KCNIP4: variants seen among roughly 807,000 people sequenced by gnomAD.
The protein encoded by KCNIP4 is Kv channel-interacting protein 4.
Under a neutral mutation model 34.0 loss-of-function variants are expected in KCNIP4, and 12 were observed. The observed-to-expected ratio is 0.35, with a 90% CI of 0.23 to 0.57. The LOEUF is 0.57. Among genes scored for constraint, KCNIP4 ranks in the 20% least tolerant of loss-of-function variants. KCNIP4 has a pLI of 0.83. For missense variants in KCNIP4, 238 were observed against 311.7 expected, an observed-to-expected ratio of 0.76 and a Z score of 1.78; for synonymous variants, 124 against 102.2, an observed-to-expected ratio of 1.21 and a Z score of -1.29.
chr4:21,208,490 T>C (rs534764298), intron 1 of KCNIP4, among the ~76,000 whole-genome samples: 1 of 152,292 alleles, frequency 6.6e-6, no homozygotes, highest in Middle Eastern at 3.4e-3. Flanking sequence ...TCACATTTCC[T>C]TGATCTTCTA....
Position 21,266,833 on chromosome 4 carries a change from T to C in KCNIP4, c.62-384124A>G, listed in dbSNP as rs563836785. Reference sequence around the variant, plus strand: ...CTGCCCATGGTTTTATAGGGGAGAGTGATGCAATCATAATTTGGCTATAGT... The same window carrying C: ...CTGCCCATGGTTTTATAGGGGAGAGCGATGCAATCATAATTTGGCTATAGT... On this transcript the variant is annotated intron_variant, in intron 1 of 8. Coordinates refer to ENST00000382152, the MANE Select transcript of KCNIP4 (RefSeq NM_025221.6). Among the ~76,000 whole-genome samples, 3 of 151,766 alleles carry C rather than the reference T, an allele frequency of 2.0e-5. No homozygotes were observed. The East Asian group carries it at 5.8e-4, about 30-fold the overall frequency.
At chr4:21,783,704 C>T (rs56193022) in intron 1 of KCNIP4, among the ~76,000 whole-genome samples, 17,268 of 152,128 alleles carry the variant, frequency 0.11, 3,352 homozygotes, top group African/African-American at 0.39. Flanking sequence ...ACATTAAAGA[C>T]TTATTTACCT....
At chr4:20,877,792 TATCTGTA>T (rs985169208) in intron 2 of KCNIP4, among the ~76,000 whole-genome samples, 1 of 152,166 alleles carries the variant, frequency 6.6e-6, no homozygotes, top group Non-Finnish European at 1.5e-5. Flanking sequence ...ACAGTAAGCG[TATCTGTA>T]TCACTGGAGT....
intron 1 of KCNIP4, among the ~76,000 whole-genome samples, chr4:21,540,830 C>T (rs868554520): frequency 6.6e-6 from 1 of 152,054 alleles, no homozygotes; most frequent in African/African-American, 2.4e-5. Flanking sequence ...TTTGAGGCCA[C>T]ATGATCTATT....
chr4:21,051,988 C>T (rs770315226), intron 1 of KCNIP4, among the ~76,000 whole-genome samples: 3 of 152,114 alleles, frequency 2.0e-5, no homozygotes, highest in Non-Finnish European at 4.4e-5. Context: ...GAGTTCAGGT[C>T]TTAGATATTT....
chr4:21,230,156 A>T lies in KCNIP4; in HGVS notation c.62-347447T>A, dbSNP rs146477720. 3.5e-3 allele frequency among the ~76,000 whole-genome samples: 528 copies of T among 152,170 alleles called. 4 individuals carry two copies. The highest frequency in any genetic ancestry group is 0.021 in the South Asian group (100 of 4,820). ...AATAGGAATACAGCCTTTGGAAGAC[A>T]GAGGCGGAAACTGGAGGGATGCAGC... is the stretch of plus-strand genomic sequence containing the variant. On this transcript the variant is annotated intron_variant, in intron 1 of 8. Coordinates refer to ENST00000382152, the MANE Select transcript of KCNIP4 (RefSeq NM_025221.6).
At chr4:20,731,302 G>T in intron 8 of KCNIP4, 1 of 737,300 alleles carries the variant, frequency 1.4e-6, no homozygotes, top group Non-Finnish European at 1.7e-6. Context: ...TCAAAATCCT[G>T]GCCTTAAGTT....
At chr4:20,758,481 G>T (rs1754667148) in intron 4 of KCNIP4, among the ~76,000 whole-genome samples, 1 of 152,100 alleles carries the variant, frequency 6.6e-6, no homozygotes, top group Non-Finnish European at 1.5e-5. Context: ...AATTTTCAGA[G>T]TTGGGAGAAT....
At chr4:21,869,241 T>C (rs1725616227) in intron 1 of KCNIP4, among the ~76,000 whole-genome samples, 1 of 152,142 alleles carries the variant, frequency 6.6e-6, no homozygotes, top group African/African-American at 2.4e-5. Flanking sequence ...CATTGCTCTG[T>C]ACACCATCCT....
At chr4:21,710,111 A>T (rs569950898) in intron 1 of KCNIP4, among the ~76,000 whole-genome samples, 1 of 152,208 alleles carries the variant, frequency 6.6e-6, no homozygotes, top group East Asian at 1.9e-4. Context: ...TTTGACTTAC[A>T]TAAGGCAGAA....
At chr4:20,910,820 T>A (rs1728257275) in intron 1 of KCNIP4, among the ~76,000 whole-genome samples, 1 of 152,202 alleles carries the variant, frequency 6.6e-6, no homozygotes, top group Non-Finnish European at 1.5e-5. Context: ...TGCTTGGTTT[T>A]GCCTAGATCC....
chr4:21,385,584 T>C (rs1049516948), intron 1 of KCNIP4, among the ~76,000 whole-genome samples: 2 of 152,154 alleles, frequency 1.3e-5, no homozygotes, highest in South Asian at 2.1e-4. Flanking sequence ...CTAAAACATA[T>C]AGAATGATTG....
chr4:21,834,422 T>G (rs1171848284), intron 1 of KCNIP4, among the ~76,000 whole-genome samples: 1 of 152,220 alleles, frequency 6.6e-6, no homozygotes, highest in Non-Finnish European at 1.5e-5. Context: ...AGAATGCTTG[T>G]GATTTTTGTA....
rs201837967 is a variant in KCNIP4 at position 20,729,590 on chromosome 4, C to CTTGTTTTAATCTTGT, written c.*491_*492insACAAGATTAAAACAA. 0.11 allele frequency: 16,731 copies of CTTGTTTTAATCTTGT among 151,164 alleles called. 1,100 individuals are homozygous for CTTGTTTTAATCTTGT. Among genetic ancestry groups the CTTGTTTTAATCTTGT allele is most frequent in the South Asian group, 0.19 (907 of 4,770 alleles). 9.4% of individuals were successfully genotyped at this position (151,164 alleles called of 1,614,324 possible). ...TATGTGTTTTTTTAATTGTTGTAAT[C>CTTGTTTTAATCTTGT]TTGTTTCCTTAAAGTATATAAATGG... is the stretch of plus-strand genomic sequence containing the variant. On this transcript the variant is annotated 3_prime_UTR_variant, in exon 9 of 9. Coordinates refer to ENST00000382152, the MANE Select transcript of KCNIP4 (RefSeq NM_025221.6).
At chr4:21,528,784 AAAGGAAGAAAGGAAGAAAGG>A (rs1560490291) in intron 1 of KCNIP4, among the ~76,000 whole-genome samples, 700 of 16,872 alleles carry the variant, frequency 0.041, 192 homozygotes, top group Non-Finnish European at 0.065. Context: ...AGAAAGGAAG[AAAGGAAGAAAGGAAGAAAGG>A]AAGGAAGGAA....
intron 1 of KCNIP4, among the ~76,000 whole-genome samples, chr4:21,841,696 A>T (rs747468067): frequency 6.6e-6 from 1 of 152,168 alleles, no homozygotes; most frequent in Non-Finnish European, 1.5e-5. Context: ...GGTTGTTTTG[A>T]AATTTTCTGA....
intron 1 of KCNIP4, among the ~76,000 whole-genome samples, chr4:21,835,804 G>A (rs1284230874): frequency 6.6e-6 from 1 of 151,922 alleles, no homozygotes; most frequent in Non-Finnish European, 1.5e-5. Context: ...AAAACAGAAT[G>A]GATAAATCAA....
At chr4:21,905,321 T>A (rs1423443776) in intron 1 of KCNIP4, among the ~76,000 whole-genome samples, 2 of 152,146 alleles carry the variant, frequency 1.3e-5, no homozygotes, top group Non-Finnish European at 2.9e-5. Flanking sequence ...GCAATGGGAA[T>A]AGCTCAACTC....
At chr4:21,760,735 T>C (rs1331318787) in intron 1 of KCNIP4, among the ~76,000 whole-genome samples, 1 of 152,118 alleles carries the variant, frequency 6.6e-6, no homozygotes, top group Non-Finnish European at 1.5e-5. Context: ...AAATTTTAAA[T>C]ATTTCTATTA....
Sources: gnomAD v4.1 joint callset for allele counts (sites outside exome capture counted in the v4.1 genomes callset) on GRCh38, gnomAD v4.1.1 for gene constraint, MANE v1.5 for transcripts, NCBI Gene and HGNC (gene_info 2026-07-23, HGNC 2026-07-21) for gene names.